Variants in NELL1 observed in about 807,000 individuals in gnomAD.
NELL1 encodes neural EGFL like 1, also known as protein kinase C-binding protein NELL1.
Under a neutral mutation model 107.4 loss-of-function variants are expected in NELL1, and 76 were observed. That is an observed-to-expected ratio of 0.71 (90% CI 0.59 to 0.86). The LOEUF (loss-of-function observed/expected upper bound fraction) is 0.86. Among genes scored for constraint, NELL1 ranks in the 40% least tolerant of loss-of-function variants. The pLI, the probability that NELL1 is intolerant of heterozygous loss-of-function variation, is 0.00. For synonymous variants in NELL1, 353 were observed against 341.2 expected (o/e 1.03, Z -0.38); for missense variants, 1,024 against 1,005.5 (o/e 1.02, Z -0.25).
intron 13 of NELL1, among the ~76,000 whole-genome samples, chr11:21,223,978 A>G (rs1389908512): frequency 6.6e-6 from 1 of 152,116 alleles, no homozygotes; most frequent in Non-Finnish European, 1.5e-5. Flanking sequence ...CATCACTTTA[A>G]ATGTATCATA....
At chr11:20,988,190 T>C (rs10766756) in intron 12 of NELL1, among the ~76,000 whole-genome samples, 26,567 of 152,074 alleles carry the variant, frequency 0.17, 2,546 homozygotes, top group Middle Eastern at 0.32. Flanking sequence ...TGCTATTTTA[T>C]CACATAGGGA....
rs897623985 is a variant in NELL1, at chr11:21,218,796, C to T, written c.1427-10536C>T. On this transcript the variant is annotated intron_variant, in intron 13 of 19. Transcript: ENST00000357134. Reference sequence around the variant, plus strand: ...GTAACATAATGTCTTCAAAGCTCATCGATGTTGCCACTAATGGCAGGATTT... The same window carrying T: ...GTAACATAATGTCTTCAAAGCTCATTGATGTTGCCACTAATGGCAGGATTT... Among the ~76,000 whole-genome samples the T allele has an allele frequency of 3.9e-5, 6 of 152,142 alleles. No individual in the cohort carries two copies. The South Asian group carries it at 6.2e-4, about 16-fold the overall frequency.
At chr11:21,549,201 C>G (rs1026113513) in intron 16 of NELL1, among the ~76,000 whole-genome samples, 3 of 151,706 alleles carry the variant, frequency 2.0e-5, no homozygotes, top group African/African-American at 7.3e-5. Flanking sequence ...GGTTAAGTGG[C>G]AATGATGTTG....
intron 10 of NELL1, among the ~76,000 whole-genome samples, chr11:20,944,006 A>G (rs1850912519): frequency 6.6e-6 from 1 of 152,178 alleles, no homozygotes; most frequent in African/African-American, 2.4e-5. Flanking sequence ...TAATGGGTAT[A>G]GGATCAAAGG....
intron 3 of NELL1, among the ~76,000 whole-genome samples, chr11:20,830,028 C>A (rs1197593547): frequency 6.6e-6 from 1 of 152,046 alleles, no homozygotes; most frequent in African/African-American, 2.4e-5. Flanking sequence ...AATCCCCCCA[C>A]CTTGGGAGGC....
chr11:20,940,632 A>C (rs747002819), intron 10 of NELL1, among the ~76,000 whole-genome samples: 10 of 152,130 alleles, frequency 6.6e-5, no homozygotes, highest in African/African-American at 9.7e-5. Context: ...TCCAAAGACC[A>C]AGGTGAAAGC....
chr11:21,426,418 T>C (rs1388753761), intron 15 of NELL1, among the ~76,000 whole-genome samples: 1 of 152,208 alleles, frequency 6.6e-6, no homozygotes, highest in Non-Finnish European at 1.5e-5. Flanking sequence ...TTATTAGGAC[T>C]TTTATGAGCA....
At chr11:20,941,746 G>A (rs887990793) in intron 10 of NELL1, among the ~76,000 whole-genome samples, 3 of 152,122 alleles carry the variant, frequency 2.0e-5, no homozygotes, top group Non-Finnish European at 4.4e-5. Flanking sequence ...AATAGAACGC[G>A]AGGCCTAGGT....
At chr11:20,791,426 C>G (rs771389336) in intron 3 of NELL1, among the ~76,000 whole-genome samples, 4 of 152,154 alleles carry the variant, frequency 2.6e-5, no homozygotes, top group Non-Finnish European at 5.9e-5. Flanking sequence ...TACTTTGCAT[C>G]CTGCAACCTT....
intron 2 of NELL1, among the ~76,000 whole-genome samples, chr11:20,742,028 G>A (rs193246048): frequency 6.6e-6 from 1 of 152,340 alleles, no homozygotes; most frequent in African/African-American, 2.4e-5. Flanking sequence ...CATACTTTGA[G>A]CAACAAAGGG....
rs377764801 is a variant in NELL1, at chr11:21,205,868, A to G, written c.1427-23464A>G. Among the ~76,000 whole-genome samples, 27 of 152,268 alleles carry G rather than the reference A, an allele frequency of 1.8e-4. No homozygotes were observed. In the South Asian group the frequency reaches 5.4e-3, roughly 30 times the overall value. ...ATTTAAATGCAGTGTGTCTGTCTCT[A>G]AAACCCTTATTCTTCCCCTTACCTG... On this transcript the variant is annotated intron_variant, in intron 13 of 19. Coordinates refer to ENST00000357134, the MANE Select transcript of NELL1 (RefSeq NM_006157.5).
intron 15 of NELL1, among the ~76,000 whole-genome samples, chr11:21,394,089 A>G (rs759317054): frequency 2.0e-5 from 3 of 151,760 alleles, no homozygotes; most frequent in Middle Eastern, 3.4e-3. Context: ...CTTACTGAGT[A>G]TATTGCCTGT....
At chr11:21,028,988 A>T (rs1045231276) in intron 12 of NELL1, among the ~76,000 whole-genome samples, 1 of 152,186 alleles carries the variant, frequency 6.6e-6, no homozygotes, top group Non-Finnish European at 1.5e-5. Context: ...CATAAGTTAA[A>T]TTGGAATCAC....
At chr11:20,736,322 G>C (rs1001677974) in intron 2 of NELL1, among the ~76,000 whole-genome samples, 2 of 152,180 alleles carry the variant, frequency 1.3e-5, no homozygotes, top group Non-Finnish European at 2.9e-5. Context: ...TCCTATATGG[G>C]CTACTCCTCT....
intron 12 of NELL1, among the ~76,000 whole-genome samples, chr11:21,000,361 C>G (rs73458763): frequency 6.6e-6 from 1 of 152,070 alleles, no homozygotes; most frequent in South Asian, 2.1e-4. Context: ...CTTAAGGGAA[C>G]CTTTATGAAC....
chr11:20,858,257 C>T (rs1848918447), intron 4 of NELL1, among the ~76,000 whole-genome samples: 1 of 152,080 alleles, frequency 6.6e-6, no homozygotes, highest in Non-Finnish European at 1.5e-5. Flanking sequence ...AGGAAGTGCA[C>T]CCCCCTATTT....
intron 15 of NELL1, among the ~76,000 whole-genome samples, chr11:21,429,597 A>G (rs2133831910): frequency 6.6e-6 from 1 of 152,338 alleles, no homozygotes; most frequent in South Asian, 2.1e-4. Context: ...AAACCCACAC[A>G]TTCTGAGCTG....
chr11:21,069,765 C>T (rs1222871469), intron 12 of NELL1, among the ~76,000 whole-genome samples: 1 of 152,032 alleles, frequency 6.6e-6, no homozygotes, highest in African/African-American at 2.4e-5. Flanking sequence ...GATTAAGGGC[C>T]GGTGGTGTAG....
intron 14 of NELL1, among the ~76,000 whole-genome samples, chr11:21,231,617 C>T (rs1858052519): frequency 6.6e-6 from 1 of 152,022 alleles, no homozygotes; most frequent in Non-Finnish European, 1.5e-5. Flanking sequence ...ATATTAATTG[C>T]CCTTGTCCAG....
Sources: gnomAD v4.1 joint callset for allele counts (sites outside exome capture counted in the v4.1 genomes callset) on GRCh38, gnomAD v4.1.1 for gene constraint, MANE v1.5 for transcripts, NCBI Gene and HGNC (gene_info 2026-07-23, HGNC 2026-07-21) for gene names.